The following PIWIL2 variants were observed in gnomAD, a reference collection of about 807,000 sequenced individuals.
PIWIL2 encodes piwi like RNA-mediated gene silencing 2.
A neutral mutation model predicts 116.5 loss-of-function variants in PIWIL2; 81 were observed. The observed-to-expected ratio is 0.70, with a 90% CI of 0.58 to 0.84. PIWIL2 has a LOEUF of 0.84. PIWIL2 is among the 40% of genes least tolerant of loss of function. PIWIL2 has a pLI of 0.00. For synonymous variants in PIWIL2, 489 were observed against 429.5 expected, an observed-to-expected ratio of 1.14 and a Z score of -1.71; for missense variants, 1,272 against 1,212.3, an observed-to-expected ratio of 1.05 and a Z score of -0.73.
At chr8:22,350,005 G>GATAT (rs1832318992) in intron 20 of PIWIL2, among the ~76,000 whole-genome samples, 1 of 152,196 alleles carries the variant, frequency 6.6e-6, no homozygotes, top group Non-Finnish European at 1.5e-5. Context: ...CCCAGTGGGT[G>GATAT]ATATATAAAG....
intron 16 of PIWIL2, among the ~76,000 whole-genome samples, chr8:22,313,392 C>T (rs1831378589): frequency 6.6e-6 from 1 of 152,204 alleles, no homozygotes; most frequent in South Asian, 2.1e-4. Context: ...TGGTAAAGGC[C>T]AAAAACCTGG....
chr8:22,315,265 C>T, intron 18 of PIWIL2, 120 bp downstream of exon 18: 1 of 640,380 alleles, frequency 1.6e-6, no homozygotes, highest in Admixed American at 2.4e-5. Context: ...CTAAATGGCT[C>T]CCTGCCTCTT....
chr8:22,345,155 C>G (rs1243663874), intron 20 of PIWIL2, among the ~76,000 whole-genome samples: 1 of 152,192 alleles, frequency 6.6e-6, no homozygotes, highest in East Asian at 1.9e-4. Context: ...AGCCACAATA[C>G]TCCAGCCAGG....
intron 20 of PIWIL2, among the ~76,000 whole-genome samples, chr8:22,326,477 C>T (rs960867958): frequency 2.8e-4 from 43 of 152,248 alleles, no homozygotes; most frequent in African/African-American, 1.0e-3. Context: ...AAAAACACCC[C>T]ATGCCCATTA....
At chr8:22,351,458 T>C (rs950062019) in intron 20 of PIWIL2, among the ~76,000 whole-genome samples, 49 of 84,238 alleles carry the variant, frequency 5.8e-4, no homozygotes, top group African/African-American at 2.0e-3. Context: ...TATATATATA[T>C]ATATATATAT....
At chr8:22,330,272 C>G (rs990469585) in intron 20 of PIWIL2, among the ~76,000 whole-genome samples, 1 of 152,074 alleles carries the variant, frequency 6.6e-6, no homozygotes, top group African/African-American at 2.4e-5. Flanking sequence ...GTTTCTCACT[C>G]CTGAATTTCT....
chr8:22,286,170 C>T (rs1011798709), intron 6 of PIWIL2, among the ~76,000 whole-genome samples: 2 of 152,072 alleles, frequency 1.3e-5, no homozygotes, highest in African/African-American at 4.8e-5. Context: ...AAAAAAGCAA[C>T]TGAATTTGCT....
Position 22,304,072 on chromosome 8 carries a change from G to T in PIWIL2, c.1233G>T (p.Lys411Asn), listed in dbSNP as rs1033924950. Reference protein sequence around the residue: ...NKEHFQDECTKLLVGNIVITR... With the variant: ...NKEHFQDECTNLLVGNIVITR... ...AACACTTCCAGGATGAGTGTACTAAGCTTCTGGTTGGCAATATTGTTATCA... is the reference window on the plus strand; with the variant it reads ...AACACTTCCAGGATGAGTGTACTAATCTTCTGGTTGGCAATATTGTTATCA... The change falls in exon 11 of 23, where the codon AAG becomes AAT. Residue 411 changes from lysine (K) to asparagine (N), a missense_variant. Transcript: ENST00000356766. The T allele has an allele frequency of 6.2e-7, 1 of 1,613,558 alleles. No individual in the cohort carries two copies. The highest frequency in any genetic ancestry group is 8.5e-7 in the Non-Finnish European group (1 of 1,179,540).
At chr8:22,284,486 G>A (rs745328273) in intron 6 of PIWIL2, among the ~76,000 whole-genome samples, 5 of 152,154 alleles carry the variant, frequency 3.3e-5, no homozygotes, top group Non-Finnish European at 7.3e-5. Flanking sequence ...ACTTCATAGG[G>A]TGTAGATTTA....
At chr8:22,278,678 A>T (rs972343788) in intron 1 of PIWIL2, among the ~76,000 whole-genome samples, 1 of 152,198 alleles carries the variant, frequency 6.6e-6, no homozygotes, top group Non-Finnish European at 1.5e-5. Context: ...GCCTGTTAGG[A>T]ACTGGGCTGC....
At chr8:22,344,928 A>G (rs550857251) in intron 20 of PIWIL2, among the ~76,000 whole-genome samples, 2 of 152,368 alleles carry the variant, frequency 1.3e-5, no homozygotes, top group East Asian at 3.9e-4. Flanking sequence ...CTTGTCCAGG[A>G]CATGGAGAAA....
At chr8:22,292,171 A>C (rs1162549953) in intron 10 of PIWIL2, among the ~76,000 whole-genome samples, 2 of 152,184 alleles carry the variant, frequency 1.3e-5, no homozygotes, top group Non-Finnish European at 2.9e-5. Context: ...GAGCAAATGG[A>C]GGAGCTGATT....
chr8:22,333,849 C>T (rs1001895489), intron 20 of PIWIL2, among the ~76,000 whole-genome samples: 7 of 151,898 alleles, frequency 4.6e-5, no homozygotes, highest in African/African-American at 1.2e-4. Flanking sequence ...AACCTTAATT[C>T]GGTGAATTGT....
intron 10 of PIWIL2, among the ~76,000 whole-genome samples, chr8:22,303,038 C>T (rs935551773): frequency 2.0e-5 from 3 of 152,170 alleles, no homozygotes; most frequent in Admixed American, 6.6e-5. Context: ...AAAGGTTGTA[C>T]ACTTTTTGGT....
chr8:22,346,037 TAAA>T (rs1832219679), intron 20 of PIWIL2, among the ~76,000 whole-genome samples: 2 of 151,994 alleles, frequency 1.3e-5, no homozygotes, highest in African/African-American at 4.8e-5. Context: ...CTGAAAGTAA[TAAA>T]AAACCATTTA....
intron 10 of PIWIL2, among the ~76,000 whole-genome samples, chr8:22,294,006 T>A (rs572598703): frequency 3.9e-5 from 6 of 152,316 alleles, no homozygotes; most frequent in Non-Finnish European, 8.8e-5. Flanking sequence ...TTAGTCTTCC[T>A]GTTGAAAAAT....
chr8:22,332,599 TAAA>T (rs1288221193), intron 20 of PIWIL2, among the ~76,000 whole-genome samples: 1 of 151,920 alleles, frequency 6.6e-6, no homozygotes, highest in African/African-American at 2.4e-5. Context: ...AAGGAAAAAT[TAAA>T]AAGAGGTTCC....
At chr8:22,291,510 C>G (rs1350399895) in intron 10 of PIWIL2, among the ~76,000 whole-genome samples, 1 of 152,096 alleles carries the variant, frequency 6.6e-6, no homozygotes, top group Non-Finnish European at 1.5e-5. Flanking sequence ...GTCTGTACAT[C>G]TGATTTTTTT....
chr8:22,307,867 G>A (rs556179523), intron 13 of PIWIL2, 66 bp from the exon 14 acceptor site: 17 of 1,247,926 alleles, frequency 1.4e-5, no homozygotes, highest in Admixed American at 6.3e-5. Flanking sequence ...AGACCTACTG[G>A]GGTTTATTTA....
Sources: gnomAD v4.1 joint callset for allele counts (sites outside exome capture counted in the v4.1 genomes callset) on GRCh38, gnomAD v4.1.1 for gene constraint, MANE v1.5 for transcripts, NCBI Gene and HGNC (gene_info 2026-07-23, HGNC 2026-07-21) for gene names.